CAMK1D: variants seen among roughly 807,000 people sequenced by gnomAD.
CAMK1D encodes the protein calcium/calmodulin dependent protein kinase ID.
Under a neutral mutation model 47.7 loss-of-function variants are expected in CAMK1D, and 9 were observed. The observed-to-expected ratio is 0.19, with a 90% CI of 0.11 to 0.33. The LOEUF is 0.33. CAMK1D is among the 10% of genes least tolerant of loss of function. The pLI is 1.00. For missense variants in CAMK1D, 291 were observed against 488.7 expected, an observed-to-expected ratio of 0.60 and a Z score of 3.81; for synonymous variants, 184 against 184.9, an observed-to-expected ratio of 0.99 and a Z score of 0.04.
At chr10:12,617,864 A>G (rs1383732734) in intron 2 of CAMK1D, among the ~76,000 whole-genome samples, 3 of 152,138 alleles carry the variant, frequency 2.0e-5, no homozygotes, top group African/African-American at 7.2e-5. Flanking sequence ...ACTTTTTCCA[A>G]ATGAAACGTG....
chr10:12,591,349 A>G (rs1837989238), intron 2 of CAMK1D, among the ~76,000 whole-genome samples: 1 of 152,118 alleles, frequency 6.6e-6, no homozygotes. Context: ...CTTCGGACCA[A>G]ACAGAGAAGG....
intron 3 of CAMK1D, among the ~76,000 whole-genome samples, chr10:12,742,922 A>T (rs754948590): frequency 1.3e-5 from 2 of 152,196 alleles, no homozygotes; most frequent in South Asian, 2.1e-4. Flanking sequence ...ACACATATGG[A>T]TGTGCGCAAG....
intron 3 of CAMK1D, among the ~76,000 whole-genome samples, chr10:12,758,601 G>T (rs1297937566): frequency 6.6e-6 from 1 of 152,190 alleles, no homozygotes; most frequent in Non-Finnish European, 1.5e-5. Context: ...CTGCCCTATG[G>T]CACTGCTGTA....
At chr10:12,568,179 T>TCCCTCTCC (rs1178015776) in intron 2 of CAMK1D, among the ~76,000 whole-genome samples, 1 of 62,344 alleles carries the variant, frequency 1.6e-5, no homozygotes, top group African/African-American at 6.5e-5. Context: ...CCTCCCTCCC[T>TCCCTCTCC]CCCTCTCCCC....
chr10:12,576,781 T>A (rs1033147937), intron 2 of CAMK1D, among the ~76,000 whole-genome samples: 1 of 152,210 alleles, frequency 6.6e-6, no homozygotes, highest in Non-Finnish European at 1.5e-5. Flanking sequence ...TTCCACGGCC[T>A]GGTACTGCCG....
intron 1 of CAMK1D, among the ~76,000 whole-genome samples, chr10:12,407,589 G>A (rs1839483438): frequency 1.3e-5 from 2 of 152,326 alleles, no homozygotes; most frequent in African/African-American, 4.8e-5. Flanking sequence ...CCTGAGGGCA[G>A]GGAGTAACCA....
At chr10:12,574,878 G>GA (rs1837443341) in intron 2 of CAMK1D, among the ~76,000 whole-genome samples, 1 of 152,014 alleles carries the variant, frequency 6.6e-6, no homozygotes, top group African/African-American at 2.4e-5. Flanking sequence ...TGAAGGAGGA[G>GA]ATGCTGCACG....
chr10:12,487,708 A>G (rs1315476622), intron 1 of CAMK1D, among the ~76,000 whole-genome samples: 1 of 152,210 alleles, frequency 6.6e-6, no homozygotes, highest in Middle Eastern at 3.2e-3. Flanking sequence ...GTCCTCAGAA[A>G]GATGCAGTCT....
intron 1 of CAMK1D, among the ~76,000 whole-genome samples, chr10:12,439,321 TG>T (rs1832718980): frequency 6.6e-6 from 1 of 152,216 alleles, no homozygotes; most frequent in Admixed American, 6.5e-5. Flanking sequence ...CTCCCATCTG[TG>T]GGGGCATTTA....
intron 2 of CAMK1D, among the ~76,000 whole-genome samples, chr10:12,613,830 G>A (rs999181527): frequency 3.3e-5 from 5 of 152,152 alleles, no homozygotes; most frequent in Non-Finnish European, 5.9e-5. Flanking sequence ...TTCTGGGTAC[G>A]GTTGAGTTGT....
At chr10:12,716,866 C>T (rs917073413) in intron 3 of CAMK1D, among the ~76,000 whole-genome samples, 3 of 152,166 alleles carry the variant, frequency 2.0e-5, no homozygotes, top group East Asian at 1.9e-4. Context: ...GCCTGGCTGT[C>T]GGGACTCTCT....
intron 3 of CAMK1D, among the ~76,000 whole-genome samples, chr10:12,758,708 G>A (rs1172490795): frequency 6.6e-6 from 1 of 152,152 alleles, no homozygotes; most frequent in Non-Finnish European, 1.5e-5. Flanking sequence ...TGACAGAATG[G>A]GAAGCAGGAC....
chr10:12,697,021 A>G (rs559829418), intron 3 of CAMK1D, among the ~76,000 whole-genome samples: 1 of 152,336 alleles, frequency 6.6e-6, no homozygotes. Context: ...AGAAAGGAGA[A>G]AAAAATGACA....
intron 1 of CAMK1D, chr10:12,456,478 A>G (rs1833245966): frequency 6.6e-6 from 1 of 152,180 alleles, no homozygotes; most frequent in Non-Finnish European, 1.5e-5. Context: ...ATTTTAAAAG[A>G]TCCCGTGTTT....
chr10:12,373,399 A>G (rs1399727936), intron 1 of CAMK1D, among the ~76,000 whole-genome samples: 2 of 152,132 alleles, frequency 1.3e-5, no homozygotes, highest in Non-Finnish European at 2.9e-5. Flanking sequence ...TGGGAAGCCA[A>G]CGCGGGTGGG....
intron 2 of CAMK1D, 99 bp downstream of exon 2, chr10:12,553,455 G>C (rs762697224): frequency 2.0e-6 from 2 of 1,011,578 alleles, no homozygotes; most frequent in African/African-American, 1.6e-5. Flanking sequence ...GGGGGCAGAG[G>C]GGCCCCCAGA....
intron 2 of CAMK1D, among the ~76,000 whole-genome samples, chr10:12,592,714 G>A (rs1173912367): frequency 1.3e-5 from 2 of 152,188 alleles, no homozygotes; most frequent in Admixed American, 6.5e-5. Flanking sequence ...AGCCTGGTCC[G>A]TAGTAATTGT....
At chr10:12,774,300 C>T (rs1323162352) in intron 5 of CAMK1D, among the ~76,000 whole-genome samples, 3 of 152,068 alleles carry the variant, frequency 2.0e-5, no homozygotes, top group Non-Finnish European at 2.9e-5. Context: ...AGTGTGCAGG[C>T]AGCCCTCACT....
chr10:12,355,927 A>T (rs1218928830), intron 1 of CAMK1D, among the ~76,000 whole-genome samples: 5 of 152,060 alleles, frequency 3.3e-5, no homozygotes, highest in African/African-American at 1.2e-4. Context: ...GCCAAAGGGG[A>T]TGTGTGGGGT....
Sources: gnomAD v4.1 joint callset for allele counts (sites outside exome capture counted in the v4.1 genomes callset) on GRCh38, gnomAD v4.1.1 for gene constraint, MANE v1.5 for transcripts, NCBI Gene and HGNC (gene_info 2026-07-23, HGNC 2026-07-21) for gene names.